FSHR: variants seen among roughly 807,000 people sequenced by gnomAD.
The protein encoded by FSHR is follicle stimulating hormone receptor, also known as follicle-stimulating hormone receptor.
In FSHR, 46 loss-of-function variants were observed where a neutral mutation model predicts 52.1. That is an observed-to-expected ratio of 0.88 (90% CI 0.70 to 1.13). The LOEUF is 1.13. FSHR is among the 50% of genes most tolerant of loss of function. FSHR has a pLI of 0.00. For missense variants in FSHR, 964 were observed against 834.6 expected (o/e 1.16, Z -1.91); for synonymous variants, 399 against 309.6 (o/e 1.29, Z -3.03).
intron 1 of FSHR, among the ~76,000 whole-genome samples, chr2:49,111,784 T>C (rs1352246178): frequency 6.6e-6 from 1 of 152,160 alleles, no homozygotes; most frequent in Non-Finnish European, 1.5e-5. Flanking sequence ...AAAATCTCCA[T>C]ATTCTTTATA....
At chr2:49,114,120 C>A (rs977051048) in intron 1 of FSHR, among the ~76,000 whole-genome samples, 1 of 152,130 alleles carries the variant, frequency 6.6e-6, no homozygotes, top group Non-Finnish European at 1.5e-5. Flanking sequence ...CATCTTACTC[C>A]CCTCCTTCGT....
rs754081151 is a variant in FSHR at position 48,999,012 on chromosome 2, CTTTG to C, written c.375-8379_375-8376del. On this transcript the variant is annotated intron_variant, in intron 4 of 9. Coordinates refer to ENST00000406846, the MANE Select transcript of FSHR (RefSeq NM_000145.4). ...CAATAAACTTATTCGGAAACATATG[CTTTG>C]TTTGTTTGTGTGTTTGTTCGCTGAT... Among the ~76,000 whole-genome samples the C allele has an allele frequency of 6.6e-5, 10 of 152,026 alleles. No individual in the cohort carries two copies. The East Asian group carries it at 1.4e-3, about 21-fold the overall frequency.
chr2:49,030,343 G>C (rs764922717), intron 2 of FSHR, among the ~76,000 whole-genome samples: 22 of 150,330 alleles, frequency 1.5e-4, no homozygotes, highest in Non-Finnish European at 3.3e-4. Context: ...TCCACTGCTG[G>C]CACCACAGAG....
intron 1 of FSHR, among the ~76,000 whole-genome samples, chr2:49,098,931 C>T (rs1451671880): frequency 7.3e-6 from 1 of 136,538 alleles, no homozygotes; most frequent in East Asian, 2.2e-4. Flanking sequence ...ATATCTGCAA[C>T]ACACAAACAC....
chr2:48,983,296 C>G lies in FSHR; in HGVS notation c.525-130G>C, dbSNP rs115166339. 4.5e-3 allele frequency: 3,501 copies of G among 775,974 alleles called. 10 individuals carry two copies. The highest frequency in any genetic ancestry group is 0.014 in the Middle Eastern group (41 of 2,994). 48.1% of individuals were successfully genotyped at this position (775,974 alleles called of 1,614,324 possible). A position where few individuals can be genotyped will look rare whatever the true frequency, so the allele number is the denominator to read the frequency against. ...CATAAAGAAAATGCCACTTTTAAAG[C>G]TTGGGGACACGGGTGGGAGGAAGAC... On this transcript the variant is annotated intron_variant, in intron 6 of 9. Coordinates refer to ENST00000406846, the MANE Select transcript of FSHR (RefSeq NM_000145.4).
chr2:48,976,358 C>G (rs1324743811), intron 8 of FSHR, among the ~76,000 whole-genome samples: 1 of 152,142 alleles, frequency 6.6e-6, no homozygotes. Context: ...GGTGGATAAG[C>G]TTTTTGATGT....
intron 4 of FSHR, among the ~76,000 whole-genome samples, chr2:49,016,406 G>T (rs1244561419): frequency 6.6e-6 from 1 of 152,098 alleles, no homozygotes; most frequent in Admixed American, 6.6e-5. Context: ...GAGATAGTGT[G>T]CTAGTTCAGG....
chr2:49,087,079 T>A (rs868672107), intron 1 of FSHR, among the ~76,000 whole-genome samples: 10 of 137,294 alleles, frequency 7.3e-5, no homozygotes, highest in African/African-American at 3.1e-4. Flanking sequence ...GGTTTTTTTT[T>A]TTTTTTTTTT....
At chr2:48,988,423 A>C (rs572019778) in intron 6 of FSHR, among the ~76,000 whole-genome samples, 169 of 152,362 alleles carry the variant, frequency 1.1e-3, no homozygotes, top group African/African-American at 3.8e-3. Context: ...TACAGGGGCT[A>C]CTGGCATAAA....
rs376900813 is a variant in FSHR, at chr2:49,121,599, A to T, written c.152+32667T>A. ...ATACCTAGCTGAGGTTCTGTGTATC[A>T]GTGACAGACTTCTATATGACTTAAT... On this transcript the variant is annotated intron_variant, in intron 1 of 9. Coordinates refer to ENST00000406846, the MANE Select transcript of FSHR (RefSeq NM_000145.4). Among the ~76,000 whole-genome samples the T allele has an allele frequency of 2.6e-5, 4 of 152,164 alleles. No homozygotes were observed. The South Asian group carries it at 8.3e-4, about 32-fold the overall frequency.
chr2:48,985,697 GTTTTT>G (rs70946839), intron 6 of FSHR, among the ~76,000 whole-genome samples: 2 of 99,538 alleles, frequency 2.0e-5, no homozygotes, highest in Non-Finnish European at 1.9e-5. Flanking sequence ...GCAAGTACAG[GTTTTT>G]TTTTTTTTTT....
intron 1 of FSHR, among the ~76,000 whole-genome samples, chr2:49,091,821 ATTTG>A (rs1283241853): frequency 3.3e-5 from 5 of 152,080 alleles, no homozygotes; most frequent in Non-Finnish European, 5.9e-5. Context: ...GAGTTCTCTG[ATTTG>A]GTTCTTCTTT....
chr2:49,035,208 A>G (rs1395149191), intron 2 of FSHR, among the ~76,000 whole-genome samples: 1 of 152,342 alleles, frequency 6.6e-6, no homozygotes, highest in Admixed American at 6.5e-5. Context: ...ACTGATAATT[A>G]CAGGAGAGGG....
chr2:48,976,796 G>A (rs887241959), intron 8 of FSHR, among the ~76,000 whole-genome samples: 2 of 152,068 alleles, frequency 1.3e-5, no homozygotes, highest in Non-Finnish European at 2.9e-5. Context: ...TTCTCTGATG[G>A]TAGTTTGTAT....
intron 4 of FSHR, among the ~76,000 whole-genome samples, chr2:49,006,116 G>T (rs1329782350): frequency 1.3e-5 from 2 of 152,110 alleles, no homozygotes; most frequent in Non-Finnish European, 2.9e-5. Context: ...TTGCTCCTCA[G>T]CTTGCAGATG....
At chr2:49,061,418 A>C (rs1314593004) in intron 2 of FSHR, among the ~76,000 whole-genome samples, 1 of 151,706 alleles carries the variant, frequency 6.6e-6, no homozygotes, top group Non-Finnish European at 1.5e-5. Context: ...TGATTACATC[A>C]GATAAAGGAA....
rs35670931 is a variant in FSHR at position 49,128,678 on chromosome 2, C to CT, written c.152+25587dup. ...ATTGTCCAGGAAGGTGTTGAATAGT[C>CT]TTTTTTTTTTTTCTATAAAAATGAA... On this transcript the variant is annotated intron_variant, in intron 1 of 9. Transcript: ENST00000406846. 6.6e-3 allele frequency among the ~76,000 whole-genome samples: 971 copies of CT among 148,088 alleles called. 6 individuals carry two copies. The highest frequency in any genetic ancestry group is 0.037 in the South Asian group (172 of 4,686).
At chr2:49,028,783 C>A (rs571073178) in intron 2 of FSHR, among the ~76,000 whole-genome samples, 21 of 152,282 alleles carry the variant, frequency 1.4e-4, no homozygotes, top group African/African-American at 4.6e-4. Context: ...CCCAGAACAA[C>A]CTTGAAGGCC....
At chr2:49,015,346 T>A (rs1667446503) in intron 4 of FSHR, among the ~76,000 whole-genome samples, 1 of 152,222 alleles carries the variant, frequency 6.6e-6, no homozygotes, top group African/African-American at 2.4e-5. Flanking sequence ...GCATAATTAT[T>A]CAACAACTTA....
Sources: allele counts gnomAD v4.1 joint callset (sites outside exome capture counted in the v4.1 genomes callset), GRCh38; gene constraint gnomAD v4.1.1; transcripts MANE v1.5; gene names NCBI Gene and HGNC (gene_info 2026-07-23, HGNC 2026-07-21).